The following PTPRN2 variants were observed in gnomAD, a reference collection of about 807,000 sequenced individuals.
PTPRN2 encodes protein tyrosine phosphatase receptor type N2.
Under a neutral mutation model 118.8 loss-of-function variants are expected in PTPRN2, and 74 were observed. That is an observed-to-expected ratio of 0.62 (90% confidence interval 0.52 to 0.76). The LOEUF is 0.76. Among genes scored for constraint, PTPRN2 ranks in the 30% least tolerant of loss-of-function variants. The pLI is 0.00. For synonymous variants in PTPRN2, 641 were observed against 608.0 expected (o/e 1.05, Z -0.80); for missense variants, 1,481 against 1,394.4 (o/e 1.06, Z -0.99).
At chr7:158,077,727 G>C (rs569639748) in intron 11 of PTPRN2, among the ~76,000 whole-genome samples, 2 of 152,320 alleles carry the variant, frequency 1.3e-5, no homozygotes, top group South Asian at 4.1e-4. Flanking sequence ...AGGCCACCGG[G>C]TGAGGGTCTC....
intron 5 of PTPRN2, among the ~76,000 whole-genome samples, chr7:158,171,359 A>ACC (rs1823691377): frequency 7.4e-6 from 1 of 134,666 alleles, no homozygotes; most frequent in African/African-American, 2.8e-5. Flanking sequence ...ACACACACAC[A>ACC]TTTTTTTAAG....
chr7:158,167,622 G>A (rs1372251529), intron 5 of PTPRN2, among the ~76,000 whole-genome samples: 1 of 152,218 alleles, frequency 6.6e-6, no homozygotes, highest in Non-Finnish European at 1.5e-5. Flanking sequence ...ACTAAGTCCA[G>A]AACATCCGCA....
At chr7:158,260,520 A>T (rs935634123) in intron 3 of PTPRN2, among the ~76,000 whole-genome samples, 1 of 152,236 alleles carries the variant, frequency 6.6e-6, no homozygotes, top group Non-Finnish European at 1.5e-5. Flanking sequence ...GTCTATTTGA[A>T]TAAAGCCCAG....
rs373424354 is a variant in PTPRN2, at chr7:158,316,507, G to A, written c.277+312C>T. On this transcript the variant is annotated intron_variant, in intron 3 of 22. Transcript: ENST00000389418. ...TCCAGGCCGAGCCACGCCTGCACTG[G>A]ACCCAGCCAGGCCCAGATAAGCAGC... Among the ~76,000 whole-genome samples, 6 of 152,292 alleles carry A rather than the reference G, an allele frequency of 3.9e-5. 1 individual carries two copies. In the South Asian group the frequency reaches 1.2e-3, roughly 32 times the overall value.
chr7:158,008,139 ATG>A (rs1349389343), intron 11 of PTPRN2, among the ~76,000 whole-genome samples: 3 of 45,694 alleles, frequency 6.6e-5, no homozygotes, highest in Non-Finnish European at 1.2e-4. Flanking sequence ...ACATGTACAC[ATG>A]TGTGAGTGTG....
At chr7:158,121,550 T>C (rs1817176666) in intron 9 of PTPRN2, among the ~76,000 whole-genome samples, 1 of 152,166 alleles carries the variant, frequency 6.6e-6, no homozygotes, top group South Asian at 2.1e-4. Flanking sequence ...TCCATGAGTC[T>C]CCTTTTCTAG....
chr7:158,074,616 C>T (rs181779942), intron 11 of PTPRN2, among the ~76,000 whole-genome samples: 18 of 152,276 alleles, frequency 1.2e-4, no homozygotes, highest in South Asian at 8.3e-4. Context: ...GACGTGCCGA[C>T]GTGGCTCCCG....
intron 11 of PTPRN2, among the ~76,000 whole-genome samples, chr7:158,061,886 A>G (rs1810377671): frequency 6.6e-6 from 1 of 152,258 alleles, no homozygotes. Flanking sequence ...ATGAGCAAAA[A>G]TGGCAGCTAA....
intron 9 of PTPRN2, 23 bp downstream of exon 9, chr7:158,133,654 G>A (rs377392190): frequency 8.6e-5 from 132 of 1,540,722 alleles, no homozygotes; most frequent in Non-Finnish European, 1.1e-4. Flanking sequence ...GCACACAGGA[G>A]CTTAGCCAGG....
chr7:158,535,055 G>A (rs1004320671), intron 1 of PTPRN2, among the ~76,000 whole-genome samples: 4 of 152,182 alleles, frequency 2.6e-5, no homozygotes, highest in African/African-American at 9.7e-5. Flanking sequence ...TGTTCCTCCT[G>A]CATTGCCTCC....
intron 19 of PTPRN2, among the ~76,000 whole-genome samples, chr7:157,573,167 G>C (rs1394740964): frequency 6.6e-6 from 1 of 152,254 alleles, no homozygotes; most frequent in African/African-American, 2.4e-5. Flanking sequence ...CATGGGGGTG[G>C]GAAGCCCTCC....
chr7:158,321,895 G>A (rs1259601659), intron 2 of PTPRN2, among the ~76,000 whole-genome samples: 1 of 152,156 alleles, frequency 6.6e-6, no homozygotes, highest in Non-Finnish European at 1.5e-5. Flanking sequence ...CAAACTTACT[G>A]TGCGTGCCCA....
chr7:158,515,622 C>A (rs1823495384), intron 1 of PTPRN2, among the ~76,000 whole-genome samples: 1 of 152,206 alleles, frequency 6.6e-6, no homozygotes. Context: ...TTTTCCACCT[C>A]ATTCCATGCT....
intron 2 of PTPRN2, among the ~76,000 whole-genome samples, chr7:158,350,656 C>T (rs1807854037): frequency 6.6e-6 from 1 of 152,164 alleles, no homozygotes; most frequent in Non-Finnish European, 1.5e-5. Context: ...GAGCTGCTGC[C>T]TAAGGTGCCC....
chr7:158,518,057 G>A (rs1229816888), intron 1 of PTPRN2, among the ~76,000 whole-genome samples: 9 of 152,324 alleles, frequency 5.9e-5, no homozygotes, highest in African/African-American at 2.2e-4. Flanking sequence ...ACTGCATTGT[G>A]ATTACTTAAG....
chr7:158,117,513 G>T (rs1302482428), intron 9 of PTPRN2, among the ~76,000 whole-genome samples: 1 of 152,126 alleles, frequency 6.6e-6, no homozygotes, highest in Non-Finnish European at 1.5e-5. Context: ...AATACTTGAA[G>T]AACAATACCT....
intron 11 of PTPRN2, among the ~76,000 whole-genome samples, chr7:158,052,636 T>G (rs188449331): frequency 6.6e-6 from 1 of 151,504 alleles, no homozygotes; most frequent in Non-Finnish European, 1.5e-5. Flanking sequence ...GTGGGGGCCA[T>G]GGAGGGGTGC....
chr7:157,720,989 G>T (rs927093295), intron 12 of PTPRN2, among the ~76,000 whole-genome samples: 1 of 152,148 alleles, frequency 6.6e-6, no homozygotes, highest in Admixed American at 6.5e-5. Context: ...AGGTAGGTGT[G>T]GGGGCTCGGG....
intron 11 of PTPRN2, among the ~76,000 whole-genome samples, chr7:157,940,644 C>T (rs1800002220): frequency 6.7e-6 from 1 of 148,688 alleles, no homozygotes; most frequent in Admixed American, 6.7e-5. Context: ...AATCTAACAC[C>T]CTCCCCACCG....
Sources: gnomAD v4.1 joint callset for allele counts (sites outside exome capture counted in the v4.1 genomes callset) on GRCh38, gnomAD v4.1.1 for gene constraint, MANE v1.5 for transcripts, NCBI Gene and HGNC (gene_info 2026-07-23, HGNC 2026-07-21) for gene names.